Variants in XIRP2 observed in about 807,000 individuals in gnomAD.
XIRP2 encodes the protein xin actin-binding repeat-containing protein 2.
A neutral mutation model predicts 277.0 loss-of-function variants in XIRP2; 236 were observed. The observed-to-expected ratio is 0.85, with a 90% CI of 0.77 to 0.95. XIRP2 has a LOEUF of 0.95. Among genes scored for constraint, XIRP2 ranks in the 40% least tolerant of loss-of-function variants. XIRP2 has a pLI of 0.00. For missense variants in XIRP2, 4,640 were observed against 4,157.5 expected, an observed-to-expected ratio of 1.12 and a Z score of -3.19; for synonymous variants, 1,490 against 1,416.5, an observed-to-expected ratio of 1.05 and a Z score of -1.17.
chr2:167,023,420 A>G (rs1157342914), intron 2 of XIRP2, among the ~76,000 whole-genome samples: 1 of 151,726 alleles, frequency 6.6e-6, no homozygotes, highest in African/African-American at 2.4e-5. Flanking sequence ...GTTCACTCTG[A>G]TGGTAGTTTC....
chr2:167,027,430 A>G (rs148850829), intron 2 of XIRP2, among the ~76,000 whole-genome samples: 9 of 151,928 alleles, frequency 5.9e-5, no homozygotes, highest in Admixed American at 5.9e-4. Context: ...AAAGTTTCTA[A>G]CTTCTTTGCC....
intron 5 of XIRP2, among the ~76,000 whole-genome samples, chr2:167,233,674 T>A (rs975384064): frequency 1.3e-5 from 2 of 151,786 alleles, no homozygotes; most frequent in Non-Finnish European, 3.0e-5. Flanking sequence ...ATAGGACACA[T>A]GTTACCTCTG....
chr2:166,936,670 A>G (rs530062049), intron 2 of XIRP2, among the ~76,000 whole-genome samples: 1 of 152,208 alleles, frequency 6.6e-6, no homozygotes, highest in Admixed American at 6.5e-5. Context: ...TAAATAGGGA[A>G]TCCTTTCCCC....
chr2:167,226,376 A>G (rs1020268613), intron 5 of XIRP2, among the ~76,000 whole-genome samples: 2 of 152,064 alleles, frequency 1.3e-5, no homozygotes, highest in Non-Finnish European at 2.9e-5. Context: ...CACCTTCCCT[A>G]TAGCTCTGTA....
At chr2:166,918,117 T>C (rs575779695) in intron 2 of XIRP2, among the ~76,000 whole-genome samples, 1 of 152,326 alleles carries the variant, frequency 6.6e-6, no homozygotes, top group East Asian at 1.9e-4. Context: ...AATCAATAAG[T>C]CTGATTACTG....
At chr2:167,091,203 G>A (rs182611063) in intron 2 of XIRP2, among the ~76,000 whole-genome samples, 38 of 151,878 alleles carry the variant, frequency 2.5e-4, no homozygotes, top group Non-Finnish European at 4.3e-4. Flanking sequence ...ATCATTCTTG[G>A]CTTCATAGGA....
At chr2:167,035,038 C>T (rs774194764) in intron 2 of XIRP2, among the ~76,000 whole-genome samples, 3 of 152,290 alleles carry the variant, frequency 2.0e-5, no homozygotes, top group Admixed American at 6.5e-5. Flanking sequence ...CACCACCATG[C>T]AAGAAGTGTC....
chr2:167,030,439 A>G (rs1391393972), intron 2 of XIRP2, among the ~76,000 whole-genome samples: 2 of 152,078 alleles, frequency 1.3e-5, no homozygotes, highest in Non-Finnish European at 2.9e-5. Flanking sequence ...GGTTCAAAAA[A>G]CTTATTTATT....
chr2:167,251,690 A>G lies in XIRP2; in HGVS notation c.10298A>G (p.Lys3433Arg). Residue 3433 changes from lysine (K) to arginine (R), a missense_variant, in exon 9 of 11, where the codon AAG (lysine) becomes AGG (arginine). Lys to Arg is a conservative substitution (Grantham distance 26, BLOSUM62 2). Transcript: ENST00000409195. ...DAFESQIVES[K>R]MKTSSSHSSE... ...TTTGAGAGTCAAATTGTTGAGTCGAAGATGAAAACCTCTTCATCACATAGC... is the reference window on the plus strand; with the variant it reads ...TTTGAGAGTCAAATTGTTGAGTCGAGGATGAAAACCTCTTCATCACATAGC... 6.2e-7 allele frequency: 1 copy of G among 1,613,424 alleles called. No individual in the cohort carries two copies.
At chr2:167,043,447 C>G (rs781071093) in intron 2 of XIRP2, among the ~76,000 whole-genome samples, 1 of 151,840 alleles carries the variant, frequency 6.6e-6, no homozygotes, top group Non-Finnish European at 1.5e-5. Context: ...AGCCTAGTAG[C>G]TAGACTAATA....
intron 2 of XIRP2, among the ~76,000 whole-genome samples, chr2:166,906,401 A>T (rs896886615): frequency 6.6e-6 from 1 of 152,062 alleles, no homozygotes; most frequent in Admixed American, 6.6e-5. Context: ...TTATGTATAC[A>T]TACATGCATA....
intron 3 of XIRP2, among the ~76,000 whole-genome samples, chr2:167,169,471 T>C (rs1692621978): frequency 6.6e-6 from 1 of 152,226 alleles, no homozygotes; most frequent in Non-Finnish European, 1.5e-5. Context: ...GTTTCTGCAC[T>C]GGTAAGTTTT....
At chr2:167,167,905 A>G (rs73021981) in intron 3 of XIRP2, among the ~76,000 whole-genome samples, 15,041 of 152,070 alleles carry the variant, frequency 0.099, 801 homozygotes, top group South Asian at 0.15. Context: ...ACTTACTTTA[A>G]TATTTCTTCC....
In XIRP2 at chr2:167,028,248, A is replaced by G. The variant is rs113519544; in HGVS notation, c.409-107661A>G. On this transcript the variant is annotated intron_variant, in intron 2 of 10. Coordinates refer to ENST00000409195, the MANE Select transcript of XIRP2 (RefSeq NM_152381.6). ...TTCTCACAATAATCATATGACTATT[A>G]ACCAAAATTTTGTGCAAAAAATTAA... Among the ~76,000 whole-genome samples, 936 of 152,214 alleles carry G rather than the reference A, an allele frequency of 6.1e-3. 11 individuals are homozygous for G. The highest frequency in any genetic ancestry group is 0.021 in the African/African-American group (881 of 41,562).
At chr2:167,212,932 C>CA (rs1694099597) in intron 4 of XIRP2, among the ~76,000 whole-genome samples, 2 of 133,758 alleles carry the variant, frequency 1.5e-5, no homozygotes, top group Non-Finnish European at 3.1e-5. Flanking sequence ...CACACACACA[C>CA]CAAAAAAAAT....
At chr2:167,077,682 C>G (rs1283934136) in intron 2 of XIRP2, among the ~76,000 whole-genome samples, 1 of 152,082 alleles carries the variant, frequency 6.6e-6, no homozygotes, top group East Asian at 1.9e-4. Flanking sequence ...TTCTACCATA[C>G]AGAACAGCAA....
chr2:167,252,568 C>T (rs1238929387), intron 9 of XIRP2, among the ~76,000 whole-genome samples: 1 of 151,852 alleles, frequency 6.6e-6, no homozygotes, highest in Non-Finnish European at 1.5e-5. Flanking sequence ...AACTAAATCA[C>T]TGCTCAATCA....
intron 2 of XIRP2, among the ~76,000 whole-genome samples, chr2:167,133,846 C>G (rs1034694650): frequency 6.6e-6 from 1 of 152,104 alleles, no homozygotes; most frequent in Non-Finnish European, 1.5e-5. Context: ...TATACTCGTG[C>G]CACATGTAAT....
chr2:167,194,249 T>G (rs1693435422), intron 3 of XIRP2, among the ~76,000 whole-genome samples: 1 of 151,786 alleles, frequency 6.6e-6, no homozygotes, highest in Non-Finnish European at 1.5e-5. Context: ...ACCACCTAAT[T>G]TTTGTATTTT....
Sources: gnomAD v4.1 joint callset for allele counts (sites outside exome capture counted in the v4.1 genomes callset) on GRCh38, gnomAD v4.1.1 for gene constraint, MANE v1.5 for transcripts, NCBI Gene and HGNC (gene_info 2026-07-23, HGNC 2026-07-21) for gene names.